The following LRRC56 variants were observed in gnomAD, a reference collection of about 807,000 sequenced individuals.
LRRC56 encodes the protein leucine rich repeat containing 56.
LRRC56 carries 41 observed loss-of-function variants against 47.8 expected under a neutral mutation model. The ratio of observed to expected loss-of-function variants is 0.86; its 90% CI spans 0.67 to 1.11. The LOEUF is 1.11. Among genes scored for constraint, LRRC56 ranks in the 50% most tolerant of loss-of-function variants. The pLI is 0.00. For missense variants in LRRC56, 759 were observed against 704.2 expected, an observed-to-expected ratio of 1.08 and a Z score of -0.88; for synonymous variants, 387 against 311.2, an observed-to-expected ratio of 1.24 and a Z score of -2.56.
At chr11:532,531 G>A, upstream of LRRC56, 2 of 1,469,652 alleles carry the variant, frequency 1.4e-6, no homozygotes, top group Non-Finnish European at 1.8e-6. Flanking sequence ...TGCTGGGCGG[G>A]GCACAAGGGA....
At chr11:516,250 AG>A in the LRRC56 span, among the ~76,000 whole-genome samples, 3 of 152,110 alleles carry the variant, frequency 2.0e-5, no homozygotes, top group African/African-American at 7.2e-5. Context: ...AAAACTAGCC[AG>A]GCATGGTGGT....
chr11:550,060 C>G lies in LRRC56; in HGVS notation c.424-12C>G. On this transcript the variant is annotated splice_polypyrimidine_tract_variant and intron_variant, in intron 7 of 13. Transcript: ENST00000270115. ...TGGGCCGGGCCCTGGCTCAGAGCCC[C>G]GCGCTGCCCAGGAACTCTACGCCTC... is the stretch of plus-strand genomic sequence containing the variant. 3 of 1,611,378 alleles carry G rather than the reference C, an allele frequency of 1.9e-6. No individual in the cohort carries two copies. The highest frequency in any genetic ancestry group is 1.1e-5 in the South Asian group (1 of 90,932).
chr11:533,500 G>A (rs772211333), upstream of LRRC56: 4 of 1,613,488 alleles, frequency 2.5e-6, no homozygotes, highest in South Asian at 1.1e-5. Context: ...CCGTAGCTTC[G>A]GGCGAGGTCC....
intron 6 of LRRC56, among the ~76,000 whole-genome samples, chr11:548,565 C>G (rs1388584637): frequency 6.6e-6 from 1 of 152,214 alleles, no homozygotes; most frequent in Non-Finnish European, 1.5e-5. Flanking sequence ...TCAAGCGATT[C>G]TCCTGCCTCA....
upstream of LRRC56, chr11:534,414 G>C (rs1007417617): frequency 5.0e-5 from 24 of 478,066 alleles, no homozygotes; most frequent in South Asian, 5.6e-4. Flanking sequence ...CCCAGGCCCA[G>C]CCCCAGGCCC....
At chr11:549,324 C>A (rs541886736) in intron 6 of LRRC56, among the ~76,000 whole-genome samples, 1 of 152,122 alleles carries the variant, frequency 6.6e-6, no homozygotes. Context: ...GTGCAGGGTC[C>A]CTGGGGACAG....
chr11:524,966 C>T, the LRRC56 span, among the ~76,000 whole-genome samples: 1 of 150,730 alleles, frequency 6.6e-6, no homozygotes, highest in Non-Finnish European at 1.5e-5. Flanking sequence ...CGTGGTGGTG[C>T]CTGCCTGTAG....
At chr11:536,170 C>A (rs45592146), upstream of LRRC56, among the ~76,000 whole-genome samples, 9,007 of 152,292 alleles carry the variant, frequency 0.059, 558 homozygotes, top group East Asian at 0.32. Flanking sequence ...CGGTGGGGTT[C>A]CGGGCGGCGG....
Position 554,715 on chromosome 11 carries a change from G to T in LRRC56, c.*439G>T, listed in dbSNP as rs1318753217. On this transcript the variant is annotated 3_prime_UTR_variant, in exon 14 of 14. Transcript: ENST00000270115. Reference sequence around the variant, plus strand: ...CAGTGGCCCAAGGTCCCAGCTGCTCGCCTGAGGCCGCCGGGGGTGCGGTCC... The same window carrying T: ...CAGTGGCCCAAGGTCCCAGCTGCTCTCCTGAGGCCGCCGGGGGTGCGGTCC... 1.8e-5 allele frequency: 8 copies of T among 452,132 alleles called. No homozygotes were observed. Among genetic ancestry groups the T allele is most frequent in the Non-Finnish European group, 3.2e-5 (8 of 253,482 alleles). 28.0% of individuals were successfully genotyped at this position (452,132 alleles called of 1,614,324 possible). A position where few individuals can be genotyped will look rare whatever the true frequency, so the allele number is the denominator to read the frequency against.
the LRRC56 span, chr11:506,471 A>T: frequency 6.6e-6 from 1 of 152,102 alleles, no homozygotes; most frequent in Non-Finnish European, 1.5e-5. Context: ...CATTCCAGTT[A>T]TGTTGCTCTC....
rs558398520 is a variant in LRRC56, at chr11:554,557, G to T, written c.*281G>T. ...CAGGCTTTCCCGCGGGCACGGGGGTGGGGGGTGGTCACCCGAGCAGGCCTG... is the reference window on the plus strand; with the variant it reads ...CAGGCTTTCCCGCGGGCACGGGGGTTGGGGGTGGTCACCCGAGCAGGCCTG... On this transcript the variant is annotated 3_prime_UTR_variant, in exon 14 of 14. Coordinates refer to ENST00000270115, the MANE Select transcript of LRRC56 (RefSeq NM_198075.4). 25 of 414,218 alleles carry T rather than the reference G, an allele frequency of 6.0e-5. No homozygotes were observed. Among genetic ancestry groups the T allele is most frequent in the African/African-American group, 2.9e-4 (14 of 48,574 alleles). 25.7% of individuals were successfully genotyped at this position (414,218 alleles called of 1,614,324 possible).
chr11:531,869 G>C, the LRRC56 span, among the ~76,000 whole-genome samples: 2 of 152,196 alleles, frequency 1.3e-5, no homozygotes, highest in African/African-American at 4.8e-5. Context: ...TTTCACGCTG[G>C]GAGCAAGTCA....
At chr11:532,520 G>C in the LRRC56 span, 2 of 1,410,020 alleles carry the variant, frequency 1.4e-6, no homozygotes, top group South Asian at 2.5e-5. Flanking sequence ...TCCTGAGCTT[G>C]TGCTGGGCGG....
At chr11:534,169 C>T (rs111836279), upstream of LRRC56, 1 of 1,492,940 alleles carries the variant, frequency 6.7e-7, no homozygotes, top group Non-Finnish European at 9.3e-7. Context: ...CCTGGGCTCG[C>T]CCGCAGCAGC....
the LRRC56 span, among the ~76,000 whole-genome samples, chr11:531,175 G>A: frequency 6.4e-4 from 96 of 149,320 alleles, 1 homozygote; most frequent in African/African-American, 2.2e-3. Context: ...AGAGAAGGGC[G>A]AGTGTGGTGT....
chr11:534,385 A>G (rs2133995919), upstream of LRRC56: 1 of 1,372,618 alleles, frequency 7.3e-7, no homozygotes, highest in Non-Finnish European at 1.0e-6. Flanking sequence ...CCTGCCAAGG[A>G]GGGCCCTGCT....
upstream of LRRC56, chr11:535,581 A>C (rs1259488022): frequency 6.8e-6 from 1 of 147,272 alleles, no homozygotes; most frequent in Non-Finnish European, 1.5e-5. Context: ...GGGCCTGCGC[A>C]CGCCCCGCCC....
At chr11:534,041 C>A, upstream of LRRC56, 1 of 1,367,900 alleles carries the variant, frequency 7.3e-7, no homozygotes, top group Non-Finnish European at 1.0e-6. Flanking sequence ...CCCCTCATGC[C>A]CCCTCCTCTC....
At chr11:536,086 C>A (rs947970721), upstream of LRRC56, among the ~76,000 whole-genome samples, 1 of 152,216 alleles carries the variant, frequency 6.6e-6, no homozygotes, top group Non-Finnish European at 1.5e-5. Flanking sequence ...GGAGCGGCCG[C>A]GCACCCCACC....
Sources: gnomAD v4.1 joint callset for allele counts (sites outside exome capture counted in the v4.1 genomes callset) on GRCh38, gnomAD v4.1.1 for gene constraint, MANE v1.5 for transcripts, NCBI Gene and HGNC (gene_info 2026-07-23, HGNC 2026-07-21) for gene names.